The following XPR1 variants were observed in gnomAD, a reference collection of about 807,000 sequenced individuals.
The protein encoded by XPR1 is xenotropic and polytropic retrovirus receptor 1, also known as solute carrier family 53 member 1.
A neutral mutation model predicts 87.5 loss-of-function variants in XPR1; 28 were observed. The observed-to-expected ratio is 0.32, with a 90% CI of 0.24 to 0.44. XPR1 has a LOEUF of 0.44. Ranked by LOEUF, XPR1 falls within the 20% of genes least tolerant of loss-of-function variation. XPR1 has a pLI of 1.00. For missense variants in XPR1, 559 were observed against 862.3 expected (o/e 0.65, Z 4.41); for synonymous variants, 300 against 306.1 (o/e 0.98, Z 0.21).
At chr1:180,806,256 T>C in intron 5 of XPR1, 45 bp downstream of exon 5, 1 of 1,593,070 alleles carries the variant, frequency 6.3e-7, no homozygotes, top group Non-Finnish European at 8.6e-7. Context: ...AGTTACACGT[T>C]TTATATTTAG....
At chr1:180,725,260 T>C (rs1658299440) in intron 2 of XPR1, among the ~76,000 whole-genome samples, 1 of 152,214 alleles carries the variant, frequency 6.6e-6, no homozygotes, top group African/African-American at 2.4e-5. Context: ...TAAATGTTAT[T>C]TTTAAGGACT....
chr1:180,816,874 G>C (rs1420392810), intron 7 of XPR1, among the ~76,000 whole-genome samples: 2 of 152,162 alleles, frequency 1.3e-5, no homozygotes, highest in African/African-American at 4.8e-5. Context: ...TAATAAAAGA[G>C]TTAATTGTAA....
intron 7 of XPR1, among the ~76,000 whole-genome samples, chr1:180,815,193 CAT>C (rs1476065600): frequency 6.6e-6 from 1 of 151,872 alleles, no homozygotes; most frequent in Non-Finnish European, 1.5e-5. Flanking sequence ...TAAAAAAAGA[CAT>C]AAAAAATACA....
chr1:180,776,407 G>A (rs1648718443), intron 2 of XPR1, among the ~76,000 whole-genome samples: 1 of 151,582 alleles, frequency 6.6e-6, no homozygotes, highest in African/African-American at 2.4e-5. Context: ...TATAATTTTG[G>A]AAATTGTATA....
chr1:180,646,657 T>C (rs1192742976), intron 1 of XPR1, among the ~76,000 whole-genome samples: 1 of 152,214 alleles, frequency 6.6e-6, no homozygotes, highest in Admixed American at 6.5e-5. Flanking sequence ...TTTTCCCCTA[T>C]TCAAAGAAGC....
Position 180,682,890 on chromosome 1 carries a change from G to T in XPR1, c.121+479G>T, listed in dbSNP as rs373113791. 1.2e-4 allele frequency among the ~76,000 whole-genome samples: 19 copies of T among 152,084 alleles called. No individual in the cohort carries two copies. The South Asian group carries it at 3.9e-3, about 32-fold the overall frequency. On this transcript the variant is annotated intron_variant, in intron 2 of 14. Coordinates refer to ENST00000367590, the MANE Select transcript of XPR1 (RefSeq NM_004736.4). The stretch of plus-strand genomic sequence containing the variant: ...TGTATACATGTGTACATGTTCTCGT[G>T]TCAGTAAATAGGAGCTAATTCAACA...
At position 180,713,671 on chromosome 1, in the gene XPR1, G is replaced by A. The variant is rs547565628; in HGVS notation, c.121+31260G>A. Among the ~76,000 whole-genome samples, 46 of 152,130 alleles carry A rather than the reference G, an allele frequency of 3.0e-4. No individual in the cohort carries two copies. In the South Asian group the frequency reaches 7.9e-3, roughly 26 times the overall value. ...TTCTCTTTTAGTTTGTTAATGTGGC[G>A]AATTACATTGATTTTCACATGTTAA... On this transcript the variant is annotated intron_variant, in intron 2 of 14. Transcript: ENST00000367590.
At chr1:180,837,256 G>A (rs888213320) in intron 11 of XPR1, among the ~76,000 whole-genome samples, 17 of 152,148 alleles carry the variant, frequency 1.1e-4, no homozygotes, top group African/African-American at 4.1e-4. Flanking sequence ...TGAGCCACAT[G>A]CAGCCACTCC....
chr1:180,664,054 G>C (rs1357635884), intron 1 of XPR1, among the ~76,000 whole-genome samples: 1 of 152,138 alleles, frequency 6.6e-6, no homozygotes, highest in African/African-American at 2.4e-5. Context: ...TCTGGCACAG[G>C]GTAGGTCTAG....
intron 5 of XPR1, 56 bp downstream of exon 5, chr1:180,806,267 G>T: frequency 6.3e-7 from 1 of 1,583,242 alleles, no homozygotes; most frequent in Non-Finnish European, 8.6e-7. Flanking sequence ...TTATATTTAG[G>T]GAAGCAATTC....
chr1:180,678,122 T>C (rs1469043595), intron 1 of XPR1, among the ~76,000 whole-genome samples: 1 of 152,180 alleles, frequency 6.6e-6, no homozygotes, highest in East Asian at 1.9e-4. Context: ...GTGCAAGATG[T>C]TAGGATGGAG....
At chr1:180,677,882 T>C (rs1656420158) in intron 1 of XPR1, among the ~76,000 whole-genome samples, 3 of 152,196 alleles carry the variant, frequency 2.0e-5, no homozygotes, top group Admixed American at 6.5e-5. Context: ...AAGGTAGAGT[T>C]GGTTAGATCA....
At chr1:180,822,039 C>T (rs1162584648) in intron 7 of XPR1, among the ~76,000 whole-genome samples, 2 of 152,174 alleles carry the variant, frequency 1.3e-5, no homozygotes, top group Admixed American at 1.3e-4. Flanking sequence ...TTTATAACTT[C>T]CTAACTAATC....
intron 2 of XPR1, among the ~76,000 whole-genome samples, chr1:180,767,040 C>CT (rs1648195116): frequency 6.6e-6 from 1 of 152,208 alleles, no homozygotes; most frequent in Non-Finnish European, 1.5e-5. Flanking sequence ...AGGACATCCT[C>CT]TTTTTCCTTC....
chr1:180,745,010 T>G (rs1230005324), intron 2 of XPR1, among the ~76,000 whole-genome samples: 1 of 152,154 alleles, frequency 6.6e-6, no homozygotes, highest in Non-Finnish European at 1.5e-5. Flanking sequence ...TTAGTGTTGT[T>G]TTCAAAGCCT....
intron 2 of XPR1, among the ~76,000 whole-genome samples, chr1:180,708,366 G>A (rs1274101831): frequency 6.6e-6 from 1 of 152,148 alleles, no homozygotes; most frequent in African/African-American, 2.4e-5. Flanking sequence ...TGTTTGAGGT[G>A]ATGAAAATTT....
At chr1:180,841,414 A>G (rs184336933) in intron 11 of XPR1, among the ~76,000 whole-genome samples, 18 of 151,724 alleles carry the variant, frequency 1.2e-4, no homozygotes, top group African/African-American at 4.4e-4. Flanking sequence ...TAAAGTGGAG[A>G]TAATGGTACC....
chr1:180,656,039 TA>T (rs1331475647), intron 1 of XPR1, among the ~76,000 whole-genome samples: 1 of 151,876 alleles, frequency 6.6e-6, no homozygotes, highest in Non-Finnish European at 1.5e-5. Context: ...TGTTATCAAA[TA>T]CTAGATCTTA....
At chr1:180,758,429 C>G (rs1291268309) in intron 2 of XPR1, among the ~76,000 whole-genome samples, 1 of 152,116 alleles carries the variant, frequency 6.6e-6, no homozygotes, top group Non-Finnish European at 1.5e-5. Context: ...TAAAGATGGA[C>G]CAGCCATGGT....
Sources: gnomAD v4.1 joint callset for allele counts (sites outside exome capture counted in the v4.1 genomes callset) on GRCh38, gnomAD v4.1.1 for gene constraint, MANE v1.5 for transcripts, NCBI Gene and HGNC (gene_info 2026-07-23, HGNC 2026-07-21) for gene names.